The following EPHA4 variants were observed in gnomAD, a reference collection of about 807,000 sequenced individuals.
The protein encoded by EPHA4 is ephrin type-A receptor 4.
Under a neutral mutation model 108.3 loss-of-function variants are expected in EPHA4, and 19 were observed. The ratio of observed to expected loss-of-function variants is 0.18; its 90% CI spans 0.12 to 0.26. The LOEUF is 0.26. Among genes scored for constraint, EPHA4 ranks in the 10% least tolerant of loss-of-function variants. EPHA4 has a pLI of 1.00. For missense variants in EPHA4, 917 were observed against 1,254.0 expected (o/e 0.73, Z 4.06); for synonymous variants, 449 against 455.5 (o/e 0.99, Z 0.18).
chr2:221,478,289 C>T (rs994687400), intron 5 of EPHA4, among the ~76,000 whole-genome samples: 8 of 152,166 alleles, frequency 5.3e-5, no homozygotes, highest in Non-Finnish European at 1.0e-4. Flanking sequence ...GTATTTCTCC[C>T]TCCTAGTGAC....
intron 3 of EPHA4, among the ~76,000 whole-genome samples, chr2:221,531,970 G>A (rs191659929): frequency 6.6e-6 from 1 of 152,208 alleles, no homozygotes; most frequent in East Asian, 1.9e-4. Context: ...CAGGAACAAG[G>A]ACCTGCAGCC....
chr2:221,531,003 G>A lies in EPHA4; in HGVS notation c.824-29831C>T, dbSNP rs946955956. ...ATTAACTTATAACAGCTAATTTAGA[G>A]AGTCACATGATCAGCCAAGTGTACC... On this transcript the variant is annotated intron_variant, in intron 3 of 17. Coordinates refer to ENST00000281821, the MANE Select transcript of EPHA4 (RefSeq NM_004438.5). Among the ~76,000 whole-genome samples the A allele has an allele frequency of 2.0e-5, 3 of 152,128 alleles. No individual in the cohort carries two copies. In the East Asian group the frequency reaches 5.8e-4, roughly 29 times the overall value.
intron 4 of EPHA4, among the ~76,000 whole-genome samples, chr2:221,490,244 C>A (rs1692101786): frequency 6.9e-6 from 1 of 144,794 alleles, no homozygotes; most frequent in African/African-American, 2.6e-5. Flanking sequence ...AAATGGCAAT[C>A]ACATGCTAAA....
chr2:221,437,927 A>G (rs74561604), intron 11 of EPHA4, among the ~76,000 whole-genome samples: 3,773 of 141,752 alleles, frequency 0.027, 75 homozygotes, highest in Non-Finnish European at 0.042. Flanking sequence ...ACTCCGTCTC[A>G]AAAAACAAAC....
intron 3 of EPHA4, among the ~76,000 whole-genome samples, chr2:221,508,883 T>A (rs1692718539): frequency 7.8e-6 from 1 of 127,496 alleles, no homozygotes; most frequent in Non-Finnish European, 1.6e-5. Context: ...TATTGTGAAC[T>A]GATCATTGTT....
intron 3 of EPHA4, among the ~76,000 whole-genome samples, chr2:221,530,237 T>C (rs985354753): frequency 1.3e-5 from 2 of 152,194 alleles, no homozygotes; most frequent in Non-Finnish European, 2.9e-5. Flanking sequence ...TCTTTCCTTA[T>C]TGTACATGTC....
rs770377115 is a variant in EPHA4 at position 221,426,138 on chromosome 2, G to A, written c.2851C>T (p.Leu951=). 1.3e-5 allele frequency: 21 copies of A among 1,613,680 alleles called. No individual in the cohort carries two copies. Among genetic ancestry groups the A allele is most frequent in the Non-Finnish European group, 1.8e-5 (21 of 1,179,784 alleles). Residue 951 remains leucine (L), a synonymous_variant, in exon 17 of 18, where the codon CTG becomes TTG. Coordinates refer to ENST00000281821, the MANE Select transcript of EPHA4 (RefSeq NM_004438.5). ...ATGGCTGTGATACCAATTCTTGCCA[G>A]GTCCCTGTACATAGGGCGACAAAAA... The part of the protein sequence containing the change: ...EAVVHVNQED[L]ARIGITAITH...
chr2:221,482,712 A>G, intron 4 of EPHA4, 22 bp from the exon 5 acceptor site: 2 of 1,562,118 alleles, frequency 1.3e-6, no homozygotes, highest in Non-Finnish European at 8.7e-7. Context: ...AAACCACATC[A>G]TCACACCAAG....
intron 14 of EPHA4, 107 bp from the exon 15 acceptor site, chr2:221,430,258 G>C (rs941495067): frequency 8.4e-7 from 1 of 1,188,864 alleles, no homozygotes; most frequent in African/African-American, 1.5e-5. Flanking sequence ...CAGCAAGCTG[G>C]AGCCTGGGAA....
rs138972440 is a variant in EPHA4 at position 221,544,308 on chromosome 2, T to C, written c.823+19423A>G. ...TAGATCTGCCACATATTCACAACCT[T>C]TCATTTTTTCATGTTTTATTTATTT... On this transcript the variant is annotated intron_variant, in intron 3 of 17. Transcript: ENST00000281821. Among the ~76,000 whole-genome samples the C allele has an allele frequency of 2.6e-5, 4 of 152,282 alleles. No individual in the cohort carries two copies. The East Asian group carries it at 7.7e-4, about 29-fold the overall frequency.
intron 13 of EPHA4, among the ~76,000 whole-genome samples, 194 bp from the exon 14 acceptor site, chr2:221,434,485 G>A (rs1046645256): frequency 6.6e-6 from 1 of 151,200 alleles, no homozygotes; most frequent in African/African-American, 2.5e-5. Context: ...TTTACTCACA[G>A]GGAAGTGACT....
At chr2:221,559,732 A>T (rs964967384) in intron 3 of EPHA4, among the ~76,000 whole-genome samples, 1 of 151,846 alleles carries the variant, frequency 6.6e-6, no homozygotes, top group African/African-American at 2.4e-5. Flanking sequence ...TTTTTCCAAC[A>T]GTCTGATGTG....
chr2:221,473,427 T>G (rs561570304), intron 5 of EPHA4, among the ~76,000 whole-genome samples: 3 of 152,064 alleles, frequency 2.0e-5, no homozygotes, highest in South Asian at 2.1e-4. Flanking sequence ...ATGTTGAGAC[T>G]CAGAAGAATT....
At chr2:221,457,615 G>T (rs1487990929) in intron 6 of EPHA4, among the ~76,000 whole-genome samples, 2 of 152,144 alleles carry the variant, frequency 1.3e-5, no homozygotes, top group Non-Finnish European at 2.9e-5. Flanking sequence ...CTAAGTAAAT[G>T]ATAAATTTCA....
chr2:221,522,603 CA>C (rs572336280), intron 3 of EPHA4, among the ~76,000 whole-genome samples: 3 of 152,154 alleles, frequency 2.0e-5, no homozygotes, highest in Non-Finnish European at 4.4e-5. Flanking sequence ...AAATGTGTTT[CA>C]AACAAGGTTT....
Position 221,570,759 on chromosome 2 carries a change from GATGGGTGGATGGATGGATAGATGA to G in EPHA4, c.91+1375_91+1398del, listed in dbSNP as rs1291018039. Among the ~76,000 whole-genome samples the G allele has an allele frequency of 3.9e-5, 6 of 152,206 alleles. No homozygotes were observed. In the East Asian group the frequency reaches 9.7e-4, roughly 24 times the overall value. On this transcript the variant is annotated intron_variant, in intron 1 of 17. Transcript: ENST00000281821. ...AGATGGAAAGATGAATGGATGGATG[GATGGGTGGATGGATGGATAGATGA>G]ATGGGTGGATGGATGGAGGGATGGA...
At chr2:221,470,655 G>T (rs886498116) in intron 5 of EPHA4, among the ~76,000 whole-genome samples, 1 of 149,754 alleles carries the variant, frequency 6.7e-6, no homozygotes, top group African/African-American at 2.5e-5. Context: ...TTTTTATAAA[G>T]AAGAAATCTT....
intron 11 of EPHA4, among the ~76,000 whole-genome samples, chr2:221,442,074 A>G (rs979178698): frequency 6.6e-6 from 1 of 152,220 alleles, no homozygotes; most frequent in Non-Finnish European, 1.5e-5. Flanking sequence ...CAGGGGACAC[A>G]GCCCCAGGCT....
At chr2:221,545,791 C>T (rs977023730) in intron 3 of EPHA4, among the ~76,000 whole-genome samples, 4 of 152,144 alleles carry the variant, frequency 2.6e-5, no homozygotes, top group Non-Finnish European at 4.4e-5. Context: ...ACACACCACC[C>T]GCACACAATG....
Sources: gnomAD v4.1 joint callset for allele counts (sites outside exome capture counted in the v4.1 genomes callset) on GRCh38, gnomAD v4.1.1 for gene constraint, MANE v1.5 for transcripts, NCBI Gene and HGNC (gene_info 2026-07-23, HGNC 2026-07-21) for gene names.